UNC5C: variants seen among roughly 807,000 people sequenced by gnomAD.
The protein encoded by UNC5C is unc-5 netrin receptor C.
Under a neutral mutation model 99.8 loss-of-function variants are expected in UNC5C, and 47 were observed. The observed-to-expected ratio is 0.47, with a 90% CI of 0.37 to 0.60. The LOEUF (loss-of-function observed/expected upper bound fraction) is 0.60. Ranked by LOEUF, UNC5C falls within the 20% of genes least tolerant of loss-of-function variation. UNC5C has a pLI of 0.00. For missense variants in UNC5C, 1,062 were observed against 1,165.9 expected (o/e 0.91, Z 1.30); for synonymous variants, 487 against 452.2 (o/e 1.08, Z -0.98).
At chr4:95,274,491 C>T (rs1740782330) in intron 4 of UNC5C, among the ~76,000 whole-genome samples, 1 of 152,136 alleles carries the variant, frequency 6.6e-6, no homozygotes, top group Non-Finnish European at 1.5e-5. Context: ...TTCTGAAACT[C>T]TTGTGCTTCA....
intron 10 of UNC5C, 130 bp downstream of exon 10, chr4:95,215,994 A>G: frequency 1.6e-6 from 1 of 633,356 alleles, no homozygotes; most frequent in Non-Finnish European, 2.6e-6. Context: ...TTGTAGGTCA[A>G]GGGAAAAAGA....
At position 95,276,253 on chromosome 4, in the gene UNC5C, T is replaced by C. The variant is rs187444023; in HGVS notation, c.594+2006A>G. 3.3e-3 allele frequency among the ~76,000 whole-genome samples: 498 copies of C among 152,330 alleles called. 2 individuals carry two copies. Among genetic ancestry groups the C allele is most frequent in the African/African-American group, 0.011 (464 of 41,564 alleles). ...GAATTTATTAGCCTGCTCTTGAGCA[T>C]GTATGTTTGATCTCTCTTCTGACTT... On this transcript the variant is annotated intron_variant, in intron 4 of 15. Transcript: ENST00000453304.
At chr4:95,172,250 C>A in intron 14 of UNC5C, among the ~76,000 whole-genome samples, 1 of 149,266 alleles carries the variant, frequency 6.7e-6, no homozygotes, top group African/African-American at 2.6e-5. Context: ...TTAATGAGAT[C>A]CCATTTGTCA....
At chr4:95,318,939 A>G (rs1310906370) in intron 2 of UNC5C, among the ~76,000 whole-genome samples, 1 of 152,172 alleles carries the variant, frequency 6.6e-6, no homozygotes, top group African/African-American at 2.4e-5. Flanking sequence ...GCCTGAGCAA[A>G]TCGTAAAGCA....
At chr4:95,173,754 A>G (rs932904746) in intron 14 of UNC5C, among the ~76,000 whole-genome samples, 4 of 152,216 alleles carry the variant, frequency 2.6e-5, no homozygotes, top group African/African-American at 9.7e-5. Flanking sequence ...TGCTAGCCTC[A>G]TAAAATCAGT....
At chr4:95,236,359 C>G (rs1352248824) in intron 7 of UNC5C, among the ~76,000 whole-genome samples, 1 of 150,362 alleles carries the variant, frequency 6.7e-6, no homozygotes, top group African/African-American at 2.5e-5. Context: ...CGCATGTTCT[C>G]ACTCACAGGT....
intron 7 of UNC5C, among the ~76,000 whole-genome samples, chr4:95,234,329 G>A (rs1184917482): frequency 6.6e-6 from 1 of 151,196 alleles, no homozygotes; most frequent in Non-Finnish European, 1.5e-5. Context: ...TTTTAGATCA[G>A]ACATATATTT....
intron 14 of UNC5C, among the ~76,000 whole-genome samples, chr4:95,175,559 T>C (rs1736305092): frequency 6.6e-6 from 1 of 151,308 alleles, no homozygotes; most frequent in Non-Finnish European, 1.5e-5. Flanking sequence ...TTTAAGAATG[T>C]TGAATATTGG....
At chr4:95,448,895 T>TCC (rs1187768015) in intron 1 of UNC5C, among the ~76,000 whole-genome samples, 2 of 152,158 alleles carry the variant, frequency 1.3e-5, no homozygotes, top group Non-Finnish European at 2.9e-5. Context: ...ACAGAAGTAG[T>TCC]TATTAATCTG....
At chr4:95,297,886 C>A (rs1403506354) in intron 3 of UNC5C, among the ~76,000 whole-genome samples, 1 of 152,236 alleles carries the variant, frequency 6.6e-6, no homozygotes, top group Non-Finnish European at 1.5e-5. Flanking sequence ...GGTCTTCCTG[C>A]TTCTCCCCTT....
At chr4:95,523,746 C>A (rs116576185) in intron 1 of UNC5C, among the ~76,000 whole-genome samples, 1 of 152,046 alleles carries the variant, frequency 6.6e-6, no homozygotes. Flanking sequence ...CACATGTAAA[C>A]GTAGTCACTT....
intron 1 of UNC5C, among the ~76,000 whole-genome samples, chr4:95,385,567 TA>T (rs1002323979): frequency 1.4e-4 from 21 of 151,318 alleles, no homozygotes; most frequent in African/African-American, 2.2e-4. Context: ...AGAGAGGAAA[TA>T]AAAAAAAAGT....
At chr4:95,449,308 A>T (rs1282209350) in intron 1 of UNC5C, among the ~76,000 whole-genome samples, 1 of 152,184 alleles carries the variant, frequency 6.6e-6, no homozygotes, top group Non-Finnish European at 1.5e-5. Context: ...GCCTGTCATG[A>T]CCACCAAAAT....
intron 1 of UNC5C, among the ~76,000 whole-genome samples, chr4:95,534,658 A>G (rs907320719): frequency 2.0e-5 from 3 of 152,162 alleles, no homozygotes; most frequent in African/African-American, 7.2e-5. Flanking sequence ...TGATTAACAC[A>G]TATATGCTTG....
chr4:95,206,898 A>T, intron 10 of UNC5C, 102 bp from the exon 11 acceptor site: 4 of 863,270 alleles, frequency 4.6e-6, no homozygotes, highest in Non-Finnish European at 6.3e-6. Flanking sequence ...TTTCTCCTGG[A>T]ATTCTTTTTT....
At chr4:95,351,390 A>G (rs1397046594) in intron 1 of UNC5C, among the ~76,000 whole-genome samples, 1 of 151,910 alleles carries the variant, frequency 6.6e-6, no homozygotes, top group Non-Finnish European at 1.5e-5. Flanking sequence ...ATAAGACAGA[A>G]GTTTATAGGA....
intron 1 of UNC5C, among the ~76,000 whole-genome samples, chr4:95,546,642 T>C (rs1011705454): frequency 1.3e-5 from 2 of 152,230 alleles, no homozygotes; most frequent in African/African-American, 4.8e-5. Context: ...ATTTTCTTTT[T>C]CCACTTAAGA....
chr4:95,339,530 T>C (rs1467081117), intron 1 of UNC5C, among the ~76,000 whole-genome samples: 2 of 151,882 alleles, frequency 1.3e-5, no homozygotes, highest in South Asian at 2.1e-4. Flanking sequence ...TATAAAAAAA[T>C]TGATTTTTTT....
intron 1 of UNC5C, among the ~76,000 whole-genome samples, chr4:95,478,328 G>A (rs1320092936): frequency 2.6e-5 from 4 of 151,890 alleles, no homozygotes; most frequent in South Asian, 4.1e-4. Flanking sequence ...ACAAGGATTG[G>A]GGTTTTTCAT....
Sources: allele counts gnomAD v4.1 joint callset (sites outside exome capture counted in the v4.1 genomes callset), GRCh38; gene constraint gnomAD v4.1.1; transcripts MANE v1.5; gene names NCBI Gene and HGNC (gene_info 2026-07-23, HGNC 2026-07-21).